The following VGLL3 variants were observed in gnomAD, a reference collection of about 807,000 sequenced individuals.
VGLL3 encodes transcription cofactor vestigial-like protein 3.
In VGLL3, 18 loss-of-function variants were observed where a neutral mutation model predicts 29.2. That is an observed-to-expected ratio of 0.62 (90% CI 0.43 to 0.91). The LOEUF (loss-of-function observed/expected upper bound fraction) is 0.91, where lower values mean the gene tolerates loss of function less well. Among genes scored for constraint, VGLL3 ranks in the 40% least tolerant of loss-of-function variants. The probability of loss-of-function intolerance (pLI) is 0.00; values close to 1 mark genes in which losing one functional copy is unlikely to be tolerated. For synonymous variants in VGLL3, 180 were observed against 151.8 expected (o/e 1.19, Z -1.36); for missense variants, 440 against 413.2 (o/e 1.06, Z -0.56).
At chr3:86,979,778 CAT>C (rs1201103190) in intron 1 of VGLL3, among the ~76,000 whole-genome samples, 1 of 151,894 alleles carries the variant, frequency 6.6e-6, no homozygotes, top group African/African-American at 2.4e-5. Flanking sequence ...CATGTGTGTG[CAT>C]ATATATGTTC....
At chr3:86,971,298 T>C (rs951812563) in intron 2 of VGLL3, among the ~76,000 whole-genome samples, 1 of 152,184 alleles carries the variant, frequency 6.6e-6, no homozygotes, top group African/African-American at 2.4e-5. Flanking sequence ...TCCTCTCCCC[T>C]AAAGGCTGTG....
chr3:86,970,792 G>C (rs1401426598), intron 2 of VGLL3, among the ~76,000 whole-genome samples: 3 of 152,090 alleles, frequency 2.0e-5, no homozygotes, highest in African/African-American at 7.2e-5. Flanking sequence ...ACAAGCACTG[G>C]GCTGGGAGAC....
intron 1 of VGLL3, among the ~76,000 whole-genome samples, chr3:86,981,056 A>T (rs1430939441): frequency 6.6e-6 from 1 of 152,172 alleles, no homozygotes; most frequent in Non-Finnish European, 1.5e-5. Context: ...ATCCAAATAA[A>T]GTCAAAGTTT....
rs1466177752 is a variant in VGLL3 at position 86,943,482 on chromosome 3, T to C, written c.*3542A>G. On this transcript the variant is annotated 3_prime_UTR_variant, in exon 4 of 4. Transcript: ENST00000398399. ...GAATAACAAGCTTCTCAAAGGCAAC[T>C]TTCATGTCAGTGCTTAGAATTTGGG... is the stretch of plus-strand genomic sequence containing the variant. 1 of 152,148 alleles carries C rather than the reference T, an allele frequency of 6.6e-6. No homozygotes were observed. The highest frequency in any genetic ancestry group is 1.9e-4 in the East Asian group (1 of 5,188). The allele number at this position is 152,148 out of a possible 1,614,324, so 9.4% of individuals were successfully genotyped here.
chr3:86,990,754 G>A lies in VGLL3; in HGVS notation c.-11C>T, dbSNP rs1250525204. On this transcript the variant is annotated 5_prime_UTR_variant, in exon 1 of 4. Transcript: ENST00000398399. ...CTCCGCACAACTCATGGCAGCCGGG[G>A]CAGTGGCGGCCCCCGAGCTGCCGCC... The A allele has an allele frequency of 7.5e-7, 1 of 1,328,034 alleles. No individual in the cohort carries two copies. The highest frequency in any genetic ancestry group is 9.6e-7 in the Non-Finnish European group (1 of 1,037,180). The allele number at this position is 1,328,034 out of a possible 1,614,324, so 82.3% of individuals were successfully genotyped here.
chr3:86,963,419 C>G (rs574822147), intron 3 of VGLL3, among the ~76,000 whole-genome samples: 3 of 152,184 alleles, frequency 2.0e-5, no homozygotes, highest in African/African-American at 7.2e-5. Flanking sequence ...CTAATATTTG[C>G]CAGGCATAGC....
chr3:86,956,906 T>A (rs1323054806), intron 3 of VGLL3, among the ~76,000 whole-genome samples: 2 of 152,154 alleles, frequency 1.3e-5, no homozygotes, highest in African/African-American at 2.4e-5. Flanking sequence ...ATAAAATTAA[T>A]GCTAAGATTA....
Position 86,949,510 on chromosome 3 carries a change from A to AC in VGLL3, c.938-2444dup, listed in dbSNP as rs1704570718. Among the ~76,000 whole-genome samples the AC allele has an allele frequency of 2.6e-5, 4 of 152,142 alleles. No homozygotes were observed. In the South Asian group the frequency reaches 8.3e-4, roughly 32 times the overall value. On this transcript the variant is annotated intron_variant, in intron 3 of 3. Transcript: ENST00000398399. ...GAAAATGAGCAACTACAAACAAAAAACCCTACAAATAAGTTGCAAAAGAAA... is the reference window on the plus strand; with the variant it reads ...GAAAATGAGCAACTACAAACAAAAAACCCCTACAAATAAGTTGCAAAAGAAA...
At chr3:86,974,857 C>T (rs1444015554) in intron 2 of VGLL3, among the ~76,000 whole-genome samples, 2 of 152,112 alleles carry the variant, frequency 1.3e-5, no homozygotes, top group African/African-American at 2.4e-5. Context: ...TTATCTAAGA[C>T]TGTGTGTTTT....
At chr3:86,959,534 A>T (rs955111757) in intron 3 of VGLL3, among the ~76,000 whole-genome samples, 2 of 152,136 alleles carry the variant, frequency 1.3e-5, no homozygotes, top group Non-Finnish European at 2.9e-5. Context: ...CAGTGCTTTA[A>T]TATTTTAACA....
At chr3:86,957,209 T>C (rs1352553280) in intron 3 of VGLL3, among the ~76,000 whole-genome samples, 1 of 152,334 alleles carries the variant, frequency 6.6e-6, no homozygotes, top group South Asian at 2.1e-4. Flanking sequence ...TTTTCCATTG[T>C]CTGCCCAATC....
At chr3:86,972,562 T>C (rs2107030662) in intron 2 of VGLL3, among the ~76,000 whole-genome samples, 1 of 152,366 alleles carries the variant, frequency 6.6e-6, no homozygotes, top group African/African-American at 2.4e-5. Flanking sequence ...GCTTATTTCA[T>C]ATGTATGTAA....
Position 86,941,632 on chromosome 3 carries a change from A to G in VGLL3, c.*5392T>C, listed in dbSNP as rs1168282435. 2 of 152,116 alleles carry G rather than the reference A, an allele frequency of 1.3e-5. No individual in the cohort carries two copies. Among genetic ancestry groups the G allele is most frequent in the African/African-American group, 4.8e-5 (2 of 41,456 alleles). The allele number at this position is 152,116 out of a possible 1,614,324, so 9.4% of individuals were successfully genotyped here. A position where few individuals can be genotyped will look rare whatever the true frequency, so the allele number is the denominator to read the frequency against. ...TTGACTAGAACTTCAAGAGAATACT[A>G]CTTTGACCAATACTTTAAAACTATA... On this transcript the variant is annotated 3_prime_UTR_variant, in exon 4 of 4. Coordinates refer to ENST00000398399, the MANE Select transcript of VGLL3 (RefSeq NM_016206.4).
intron 2 of VGLL3, among the ~76,000 whole-genome samples, chr3:86,973,639 C>A (rs964555605): frequency 6.6e-6 from 1 of 152,186 alleles, no homozygotes; most frequent in African/African-American, 2.4e-5. Flanking sequence ...TGAGATTAGT[C>A]ACGCCTCACT....
chr3:86,970,862 C>T (rs1307254557), intron 2 of VGLL3, among the ~76,000 whole-genome samples: 1 of 152,114 alleles, frequency 6.6e-6, no homozygotes. Flanking sequence ...CCAATATGGA[C>T]CCATTGATCT....
At chr3:86,964,537 C>T (rs1289156134) in intron 3 of VGLL3, among the ~76,000 whole-genome samples, 1 of 152,038 alleles carries the variant, frequency 6.6e-6, no homozygotes, top group Non-Finnish European at 1.5e-5. Context: ...TGTTGAAATC[C>T]TAACCCCCAA....
At chr3:86,973,321 T>C (rs2107033089) in intron 2 of VGLL3, among the ~76,000 whole-genome samples, 1 of 152,294 alleles carries the variant, frequency 6.6e-6, no homozygotes, top group Non-Finnish European at 1.5e-5. Flanking sequence ...AAAGGTAACA[T>C]TTTTACATTT....
intron 2 of VGLL3, among the ~76,000 whole-genome samples, chr3:86,970,406 G>A (rs1705069672): frequency 6.6e-6 from 1 of 152,060 alleles, no homozygotes; most frequent in Middle Eastern, 3.4e-3. Flanking sequence ...CTGACAGACT[G>A]AGTGGGGGCT....
rs559404480 is a variant in VGLL3, at chr3:86,938,192, A to G, written c.*8832T>C. The G allele has an allele frequency of 6.6e-6, 1 of 152,344 alleles. No homozygotes were observed. The highest frequency in any genetic ancestry group is 1.5e-5 in the Non-Finnish European group (1 of 68,026). The allele number at this position is 152,344 out of a possible 1,614,324, so 9.4% of individuals were successfully genotyped here. ...GTTATATATATTTAAGGTATACGAT[A>G]TGATGATTTGATATAGGTAAACATT... is the stretch of plus-strand genomic sequence containing the variant. On this transcript the variant is annotated 3_prime_UTR_variant, in exon 4 of 4. Transcript: ENST00000398399.
Sources: allele counts gnomAD v4.1 joint callset (sites outside exome capture counted in the v4.1 genomes callset), GRCh38; gene constraint gnomAD v4.1.1; transcripts MANE v1.5; gene names NCBI Gene and HGNC (gene_info 2026-07-23, HGNC 2026-07-21).